EPHB1: variants seen among roughly 807,000 people sequenced by gnomAD.
EPHB1 encodes the protein ephrin type-B receptor 1.
A neutral mutation model predicts 94.4 loss-of-function variants in EPHB1; 30 were observed. That is an observed-to-expected ratio of 0.32 (90% CI 0.24 to 0.43). The LOEUF is 0.43. Among genes scored for constraint, EPHB1 ranks in the 20% least tolerant of loss-of-function variants. The pLI is 1.00. For missense variants in EPHB1, 1,055 were observed against 1,308.3 expected (o/e 0.81, Z 2.99); for synonymous variants, 522 against 489.1 (o/e 1.07, Z -0.89).
At chr3:134,957,606 C>G (rs944387717) in intron 3 of EPHB1, among the ~76,000 whole-genome samples, 1 of 152,090 alleles carries the variant, frequency 6.6e-6, no homozygotes, top group Non-Finnish European at 1.5e-5. Context: ...TGATAAAGCC[C>G]GAAAAGGGCT....
intron 3 of EPHB1, among the ~76,000 whole-genome samples, chr3:135,021,331 G>T (rs1935981390): frequency 6.6e-6 from 1 of 151,696 alleles, no homozygotes; most frequent in South Asian, 2.1e-4. Flanking sequence ...GGTAACATAT[G>T]TTTCATATTG....
At chr3:135,156,308 A>G (rs989344910) in intron 6 of EPHB1, among the ~76,000 whole-genome samples, 5 of 152,128 alleles carry the variant, frequency 3.3e-5, no homozygotes, top group Non-Finnish European at 7.3e-5. Context: ...ATGATAAGAA[A>G]GTCCTGAGCC....
At chr3:134,796,658 G>T (rs1021199439) in intron 1 of EPHB1, among the ~76,000 whole-genome samples, 1 of 152,156 alleles carries the variant, frequency 6.6e-6, no homozygotes, top group Non-Finnish European at 1.5e-5. Context: ...TCTGTTCTTC[G>T]CAGCCTAGCA....
rs750444218 is a variant in EPHB1 at position 135,106,435 on chromosome 3, C to G, written c.806-13C>G. ...ACTTCCATTAATTATCACATGGTCT[C>G]TTTGTGTTCTAGCTTGCCCTGCAGG... On this transcript the variant is annotated splice_polypyrimidine_tract_variant and intron_variant, in intron 3 of 15. Coordinates refer to ENST00000398015, the MANE Select transcript of EPHB1 (RefSeq NM_004441.5). The G allele has an allele frequency of 1.2e-6, 2 of 1,613,884 alleles. No homozygotes were observed. The highest frequency in any genetic ancestry group is 2.2e-5 in the South Asian group (2 of 91,072).
At chr3:135,074,691 C>A (rs1382697546) in intron 3 of EPHB1, among the ~76,000 whole-genome samples, 1 of 152,202 alleles carries the variant, frequency 6.6e-6, no homozygotes, top group African/African-American at 2.4e-5. Flanking sequence ...TATACTGTGG[C>A]TTTGGGCCAT....
intron 10 of EPHB1, among the ~76,000 whole-genome samples, chr3:135,180,346 T>C (rs1306919847): frequency 1.3e-5 from 2 of 152,236 alleles, no homozygotes; most frequent in African/African-American, 4.8e-5. Flanking sequence ...CTAACAATGA[T>C]ATCTCAATGG....
chr3:134,870,800 A>C (rs1374683934), intron 1 of EPHB1, among the ~76,000 whole-genome samples: 1 of 152,254 alleles, frequency 6.6e-6, no homozygotes, highest in Non-Finnish European at 1.5e-5. Context: ...GTACAGAGTA[A>C]GTACTTAGTA....
At chr3:134,909,122 C>CGG (rs1553864856) in intron 1 of EPHB1, among the ~76,000 whole-genome samples, 1 of 88,144 alleles carries the variant, frequency 1.1e-5, no homozygotes, top group African/African-American at 4.8e-5. Flanking sequence ...GGGCGGGGGG[C>CGG]GGGCTGGAAG....
intron 3 of EPHB1, among the ~76,000 whole-genome samples, chr3:135,073,476 T>A (rs1261862074): frequency 1.3e-5 from 2 of 152,212 alleles, no homozygotes; most frequent in Non-Finnish European, 2.9e-5. Flanking sequence ...TAATTCCTTA[T>A]GTTGAAGCAA....
chr3:135,078,230 G>A (rs1371847045), intron 3 of EPHB1, among the ~76,000 whole-genome samples: 1 of 152,184 alleles, frequency 6.6e-6, no homozygotes, highest in Non-Finnish European at 1.5e-5. Context: ...GTGCCTGGCA[G>A]GGGGAGGAGT....
chr3:135,040,306 G>A (rs769120790), intron 3 of EPHB1, among the ~76,000 whole-genome samples: 1 of 152,210 alleles, frequency 6.6e-6, no homozygotes, highest in Non-Finnish European at 1.5e-5. Flanking sequence ...TAGTAAGTGT[G>A]CAATAAGCCC....
chr3:134,919,625 T>G (rs2038639216), intron 1 of EPHB1, among the ~76,000 whole-genome samples: 2 of 152,116 alleles, frequency 1.3e-5, no homozygotes. Flanking sequence ...TGAGGAGCCA[T>G]GTGGGCATCA....
chr3:135,134,449 C>T (rs1940538616), intron 5 of EPHB1, among the ~76,000 whole-genome samples: 1 of 152,054 alleles, frequency 6.6e-6, no homozygotes, highest in South Asian at 2.1e-4. Flanking sequence ...CGTAGGAGAG[C>T]ATGTCTGTCC....
At chr3:134,963,509 G>A (rs1418142774) in intron 3 of EPHB1, among the ~76,000 whole-genome samples, 1 of 152,158 alleles carries the variant, frequency 6.6e-6, no homozygotes, top group Non-Finnish European at 1.5e-5. Context: ...TGCTAATACA[G>A]TGTGGCTGTC....
chr3:134,822,648 A>G (rs1257639051), intron 1 of EPHB1, among the ~76,000 whole-genome samples: 1 of 152,198 alleles, frequency 6.6e-6, no homozygotes, highest in African/African-American at 2.4e-5. Context: ...TCTATGCACC[A>G]TCCTGCACCA....
At chr3:135,040,528 AG>A (rs1168384413) in intron 3 of EPHB1, among the ~76,000 whole-genome samples, 15 of 152,324 alleles carry the variant, frequency 9.8e-5, no homozygotes, top group African/African-American at 3.6e-4. Flanking sequence ...GACCTGCAGG[AG>A]TGTGGGACTG....
chr3:135,212,068 A>AT (rs1305550639), intron 12 of EPHB1, among the ~76,000 whole-genome samples: 1 of 151,886 alleles, frequency 6.6e-6, no homozygotes, highest in Non-Finnish European at 1.5e-5. Flanking sequence ...AAACTCATTG[A>AT]TTTTATCATT....
chr3:135,188,653 C>G (rs1464223475), intron 10 of EPHB1, among the ~76,000 whole-genome samples: 1 of 152,158 alleles, frequency 6.6e-6, no homozygotes, highest in African/African-American at 2.4e-5. Flanking sequence ...AAGCTAAGTT[C>G]TGGAGAAATG....
At chr3:135,258,217 A>G (rs984743595) in intron 15 of EPHB1, among the ~76,000 whole-genome samples, 1 of 152,200 alleles carries the variant, frequency 6.6e-6, no homozygotes, top group Non-Finnish European at 1.5e-5. Context: ...CTATTCGGCC[A>G]TCTTGGCTCC....
Sources: allele counts gnomAD v4.1 joint callset (sites outside exome capture counted in the v4.1 genomes callset), GRCh38; gene constraint gnomAD v4.1.1; transcripts MANE v1.5; gene names NCBI Gene and HGNC (gene_info 2026-07-23, HGNC 2026-07-21).